ACVR1B: variants seen among roughly 807,000 people sequenced by gnomAD.
ACVR1B encodes the protein activin receptor type-1B.
ACVR1B carries 15 observed loss-of-function variants against 55.6 expected under a neutral mutation model. The ratio of observed to expected loss-of-function variants is 0.27; its 90% confidence interval spans 0.18 to 0.42. The LOEUF is 0.42. Among genes scored for constraint, ACVR1B ranks in the 10% least tolerant of loss-of-function variants. The probability of loss-of-function intolerance (pLI) is 1.00; values close to 1 mark genes in which losing one functional copy is unlikely to be tolerated. For missense variants in ACVR1B, 359 were observed against 670.1 expected (o/e 0.54, Z 5.13); for synonymous variants, 247 against 254.6 (o/e 0.97, Z 0.28).
At chr12:51,987,176 C>G (rs1389335590) in intron 7 of ACVR1B, 3 of 702,214 alleles carry the variant, frequency 4.3e-6, no homozygotes, top group Admixed American at 2.2e-5. Flanking sequence ...ATTCTGAAGG[C>G]TCGTTTGGCT....
chr12:51,981,025 A>C lies in ACVR1B; in HGVS notation c.637A>C (p.Ile213Leu). The change falls in exon 4 of 9, where the codon ATT becomes CTT. Residue 213 changes from isoleucine to leucine, a missense_variant. Transcript: ENST00000257963. ...CCGAACCATCGTTTTACAAGAGATT[A>C]TTGGCAAGGGTCGGTTTGGGGAAGT... is the stretch of plus-strand genomic sequence containing the variant. ...VARTIVLQEI[I>L]GKGRFGEVWR... 1 of 1,614,138 alleles carries C rather than the reference A, an allele frequency of 6.2e-7. No individual in the cohort carries two copies. The highest frequency in any genetic ancestry group is 1.1e-5 in the South Asian group (1 of 91,078).
At chr12:51,967,357 G>A (rs1374987605) in intron 1 of ACVR1B, among the ~76,000 whole-genome samples, 6 of 152,032 alleles carry the variant, frequency 3.9e-5, no homozygotes, top group Non-Finnish European at 8.8e-5. Flanking sequence ...TCAGGAGTTC[G>A]AGACCAGCCT....
intron 3 of ACVR1B, among the ~76,000 whole-genome samples, chr12:51,979,385 T>C (rs925196727): frequency 1.4e-5 from 2 of 147,228 alleles, no homozygotes. Flanking sequence ...GAGAATCACA[T>C]GAACCTAGGA....
rs985849804 is a variant in ACVR1B at position 51,996,128 on chromosome 12, C to T, written c.*2018C>T. 3 of 152,470 alleles carry T rather than the reference C, an allele frequency of 2.0e-5. No homozygotes were observed. The highest frequency in any genetic ancestry group is 4.4e-5 in the Non-Finnish European group (3 of 68,268). 9.4% of individuals were successfully genotyped at this position (152,470 alleles called of 1,614,324 possible). A position where few individuals can be genotyped will look rare whatever the true frequency, so the allele number is the denominator to read the frequency against. On this transcript the variant is annotated 3_prime_UTR_variant, in exon 9 of 9. Transcript: ENST00000257963. Reference sequence around the variant, plus strand: ...AGATCACTGAAGAAAGAGGAACCCCCACAACCCCCTCCACAAAGAGACCAG... The same window carrying T: ...AGATCACTGAAGAAAGAGGAACCCCTACAACCCCCTCCACAAAGAGACCAG...
chr12:51,993,376 C>G (rs1396162158), intron 8 of ACVR1B, among the ~76,000 whole-genome samples: 2 of 152,162 alleles, frequency 1.3e-5, no homozygotes, highest in Admixed American at 1.3e-4. Context: ...TCCTTGGAAC[C>G]CTCAGGGCAG....
chr12:51,987,449 T>G, intron 7 of ACVR1B: 1 of 342,752 alleles, frequency 2.9e-6, no homozygotes, highest in Non-Finnish European at 5.3e-6. Context: ...TGCAGCTGCT[T>G]ATTCATGACA....
At chr12:51,989,085 A>C (rs956196524) in intron 7 of ACVR1B, among the ~76,000 whole-genome samples, 3 of 152,104 alleles carry the variant, frequency 2.0e-5, no homozygotes, top group African/African-American at 4.8e-5. Flanking sequence ...GTGAAGCCCT[A>C]TCTCTATTAA....
Position 51,994,234 on chromosome 12 carries a change from G to T in ACVR1B, c.*124G>T. 7.1e-7 allele frequency: 1 copy of T among 1,404,646 alleles called. No individual in the cohort carries two copies. Among genetic ancestry groups the T allele is most frequent in the South Asian group, 1.3e-5 (1 of 75,354 alleles). The allele number at this position is 1,404,646 out of a possible 1,614,324, so 87.0% of individuals were successfully genotyped here. ...CCTCTGTGGCCAGGAGCCCTGGCCCGCAAGAGGGACAGAGCCCGGGAGAGA... is the reference window on the plus strand; with the variant it reads ...CCTCTGTGGCCAGGAGCCCTGGCCCTCAAGAGGGACAGAGCCCGGGAGAGA... On this transcript the variant is annotated 3_prime_UTR_variant, in exon 9 of 9. Coordinates refer to ENST00000257963, the MANE Select transcript of ACVR1B (RefSeq NM_004302.5). The surrounding 1 kb of genome is among the most constrained non-coding windows in gnomAD (Gnocchi z 4.2).
intron 1 of ACVR1B, chr12:51,960,146 A>G (rs11169964): frequency 0.018 from 2,673 of 152,520 alleles, 67 homozygotes; most frequent in African/African-American, 0.053. Flanking sequence ...GAGACCGGCC[A>G]CAGTGGCTCA....
At position 51,980,953 on chromosome 12, in the gene ACVR1B, A is replaced by G. The variant is rs181961707; in HGVS notation, c.581-16A>G. 9.5e-6 allele frequency: 15 copies of G among 1,571,800 alleles called. No homozygotes were observed. Among genetic ancestry groups the G allele is most frequent in the Admixed American group, 5.6e-5 (3 of 53,278 alleles). ...AATTTGCAATGTCAGGTTTCTTCCT[A>G]TTCTTTGGTTCACAGGGTTACCCCT... On this transcript the variant is annotated splice_polypyrimidine_tract_variant and intron_variant, in intron 3 of 8. Coordinates refer to ENST00000257963, the MANE Select transcript of ACVR1B (RefSeq NM_004302.5).
chr12:51,984,289 T>A, intron 5 of ACVR1B, 123 bp downstream of exon 5: 1 of 1,185,182 alleles, frequency 8.4e-7, no homozygotes, highest in Non-Finnish European at 1.2e-6. Flanking sequence ...GAACTCTAGT[T>A]TAATTTAAAG....
chr12:51,986,730 C>T (rs1942083188), intron 6 of ACVR1B, 88 bp from the exon 7 acceptor site: 26 of 1,508,228 alleles, frequency 1.7e-5, no homozygotes, highest in Non-Finnish European at 2.2e-5. Flanking sequence ...TACTCTTCCA[C>T]ATTCAGAGGG....
intron 1 of ACVR1B, among the ~76,000 whole-genome samples, chr12:51,953,896 T>C (rs1478403724): frequency 6.6e-6 from 1 of 152,194 alleles, no homozygotes. Flanking sequence ...TTCGTTTCTT[T>C]TTTTGGTAAA....
rs1690230 is a variant in ACVR1B at position 51,968,682 on chromosome 12, G to A, written c.92-6583G>A. On this transcript the variant is annotated intron_variant, in intron 1 of 8. Transcript: ENST00000257963. ...GAAGGATACAGTTTCTGCCAGGTTC[G>A]TTTCCTTTTGGGTTCTTGCTCTGGA... 9.7e-3 allele frequency among the ~76,000 whole-genome samples: 1,479 copies of A among 152,284 alleles called. 23 individuals carry two copies. The highest frequency in any genetic ancestry group is 0.034 in the African/African-American group (1,421 of 41,538).
chr12:51,961,270 A>G (rs1592243373), intron 1 of ACVR1B, among the ~76,000 whole-genome samples: 1 of 152,240 alleles, frequency 6.6e-6, no homozygotes, highest in South Asian at 2.1e-4. Context: ...AGAGCCTTGC[A>G]TGTTTCAAGT....
rs377584197 is a variant in ACVR1B at position 51,978,555 on chromosome 12, C to T, written c.580+1980C>T. Among the ~76,000 whole-genome samples the T allele has an allele frequency of 2.0e-4, 30 of 152,242 alleles. 1 individual carries two copies. Among genetic ancestry groups the T allele is most frequent in the African/African-American group, 6.7e-4 (28 of 41,540 alleles). On this transcript the variant is annotated intron_variant, in intron 3 of 8. Coordinates refer to ENST00000257963, the MANE Select transcript of ACVR1B (RefSeq NM_004302.5). ...TTAGAAAGAGCCTGACCCGGCCAGG[C>T]GCGGTGGCTCACGCCTGTAATCCCA...
chr12:51,975,332 G>A lies in ACVR1B; in HGVS notation c.159G>A (p.Met53Ile). The A allele has an allele frequency of 6.2e-7, 1 of 1,614,170 alleles. No individual in the cohort carries two copies. The highest frequency in any genetic ancestry group is 1.3e-5 in the African/African-American group (1 of 75,046). ...NYTCETDGAC[M>I]VSIFNLDGME... ...CGTGTGAGACAGATGGGGCCTGCAT[G>A]GTTTCCATTTTCAATCTGGATGGGA... The change falls in exon 2 of 9, where the codon ATG becomes ATA. Residue 53 changes from methionine (M) to isoleucine (I), a missense_variant. By Grantham distance (10) the Met-to-Ile change is conservative. Around this residue, in one of 5 missense-constraint regions of ACVR1B, gnomAD observed 133 missense variants for 188.2 expected, o/e 0.71. Coordinates refer to ENST00000257963, the MANE Select transcript of ACVR1B (RefSeq NM_004302.5).
chr12:51,967,665 C>T (rs1046669756), intron 1 of ACVR1B, among the ~76,000 whole-genome samples: 1 of 152,216 alleles, frequency 6.6e-6, no homozygotes, highest in Non-Finnish European at 1.5e-5. Context: ...GTACACTTAG[C>T]TGTATAGGCA....
chr12:51,993,045 C>G (rs1942224530), intron 8 of ACVR1B, among the ~76,000 whole-genome samples: 1 of 152,160 alleles, frequency 6.6e-6, no homozygotes, highest in Admixed American at 6.5e-5. Flanking sequence ...CAAAGGTGTA[C>G]AAAGTGCTGA....
Sources: gnomAD v4.1 joint callset for allele counts (sites outside exome capture counted in the v4.1 genomes callset) on GRCh38, gnomAD v4.1.1 for gene constraint, gnomAD v4.1.1 regional missense constraint, Gnocchi (gnomAD v3.1) non-coding constraint, MANE v1.5 for transcripts, NCBI Gene and HGNC (gene_info 2026-07-23, HGNC 2026-07-21) for gene names.